The following SMAD9 variants were observed in gnomAD, a reference collection of about 807,000 sequenced individuals.
SMAD9 encodes MAD homolog 9.
A neutral mutation model predicts 46.1 loss-of-function variants in SMAD9; 36 were observed. That is an observed-to-expected ratio of 0.78 (90% confidence interval 0.60 to 1.03). SMAD9 has a LOEUF of 1.03. Among genes scored for constraint, SMAD9 ranks in the 50% least tolerant of loss-of-function variants. The probability of loss-of-function intolerance (pLI) is 0.00; values close to 1 mark genes in which losing one functional copy is unlikely to be tolerated. For synonymous variants in SMAD9, 245 were observed against 237.1 expected, an observed-to-expected ratio of 1.03 and a Z score of -0.31; for missense variants, 572 against 599.8, an observed-to-expected ratio of 0.95 and a Z score of 0.48.
chr13:36,894,361 G>A (rs1341659828), intron 1 of SMAD9, among the ~76,000 whole-genome samples: 1 of 151,988 alleles, frequency 6.6e-6, no homozygotes, highest in East Asian at 1.9e-4. Context: ...ATTCTCTCTT[G>A]TCTGCCGCCA....
chr13:36,908,478 T>C (rs1426914097), intron 1 of SMAD9, among the ~76,000 whole-genome samples: 1 of 152,166 alleles, frequency 6.6e-6, no homozygotes, highest in Non-Finnish European at 1.5e-5. Flanking sequence ...GTTCACAAAA[T>C]TCAAAATTCA....
intron 1 of SMAD9, among the ~76,000 whole-genome samples, chr13:36,894,804 T>G (rs777529072): frequency 2.0e-5 from 3 of 152,150 alleles, no homozygotes; most frequent in Non-Finnish European, 2.9e-5. Context: ...TGTGGTTCCT[T>G]TAGCCCCCAA....
intron 1 of SMAD9, among the ~76,000 whole-genome samples, chr13:36,895,404 T>C (rs1199773713): frequency 1.3e-5 from 2 of 152,204 alleles, no homozygotes; most frequent in Non-Finnish European, 2.9e-5. Context: ...GCTAGATTTG[T>C]GTGGAGGGGC....
intron 3 of SMAD9, among the ~76,000 whole-genome samples, chr13:36,871,538 AAAAT>A (rs1461180522): frequency 6.6e-6 from 1 of 152,264 alleles, no homozygotes; most frequent in Middle Eastern, 3.4e-3. Flanking sequence ...ATAAAAAATA[AAAAT>A]AAATAAACGC....
At chr13:36,913,406 G>T (rs1417089427) in intron 1 of SMAD9, among the ~76,000 whole-genome samples, 2 of 152,050 alleles carry the variant, frequency 1.3e-5, no homozygotes, top group African/African-American at 4.8e-5. Flanking sequence ...AGTAAATAAT[G>T]GTTGAATGAA....
intron 1 of SMAD9, among the ~76,000 whole-genome samples, chr13:36,895,195 C>A (rs1250785566): frequency 1.3e-5 from 2 of 152,118 alleles, no homozygotes; most frequent in African/African-American, 2.4e-5. Context: ...AATTTCTATA[C>A]CCATATGTAC....
intron 1 of SMAD9, among the ~76,000 whole-genome samples, chr13:36,883,168 A>G (rs1309937640): frequency 6.6e-6 from 1 of 152,170 alleles, no homozygotes; most frequent in African/African-American, 2.4e-5. Context: ...AGAGAACTGA[A>G]ATGCCCACAG....
chr13:36,886,738 T>C (rs557006107), intron 1 of SMAD9, among the ~76,000 whole-genome samples: 215 of 152,320 alleles, frequency 1.4e-3, no homozygotes, highest in Non-Finnish European at 2.7e-3. Flanking sequence ...AGGGACCTGC[T>C]TGGACTTCTG....
intron 1 of SMAD9, among the ~76,000 whole-genome samples, chr13:36,914,545 A>G (rs967129851): frequency 6.6e-6 from 1 of 152,028 alleles, no homozygotes. Context: ...ACAAAAAAAA[A>G]CTTACTCTTC....
upstream of SMAD9, chr13:36,920,296 G>C (rs992402249): frequency 6.7e-6 from 1 of 148,216 alleles, no homozygotes; most frequent in African/African-American, 2.5e-5. Flanking sequence ...CGGCCAGGGA[G>C]CCCTGCTTGC....
chr13:36,903,839 T>C (rs2058597799), intron 1 of SMAD9, among the ~76,000 whole-genome samples: 1 of 152,130 alleles, frequency 6.6e-6, no homozygotes, highest in African/African-American at 2.4e-5. Context: ...CATCAGCAAG[T>C]CTGAACATTA....
chr13:36,909,741 A>T (rs1382756147), intron 1 of SMAD9, among the ~76,000 whole-genome samples: 2 of 152,210 alleles, frequency 1.3e-5, no homozygotes, highest in Non-Finnish European at 2.9e-5. Context: ...GTAAAATGGA[A>T]ACAATAGTCA....
rs200264324 is a variant in SMAD9 at position 36,887,040 on chromosome 13, GTTTTT to G, written c.-186-7170_-186-7166del. Among the ~76,000 whole-genome samples the G allele has an allele frequency of 2.4e-4, 25 of 102,546 alleles. 1 individual carries two copies. In the South Asian group the frequency reaches 7.5e-3, roughly 31 times the overall value. 67.3% of individuals were successfully genotyped at this position (102,546 alleles called of 152,430 possible). A position where few individuals can be genotyped will look rare whatever the true frequency, so the allele number is the denominator to read the frequency against. ...AGTGCAAAGGGGAGCCTTTGAATGGGTTTTTTTTTTTTTTTTTTTTTTTGTAGAGA... is the reference window on the plus strand; with the variant it reads ...AGTGCAAAGGGGAGCCTTTGAATGGGTTTTTTTTTTTTTTTTTTGTAGAGA... On this transcript the variant is annotated intron_variant, in intron 1 of 6. Transcript: ENST00000379826.
At chr13:36,898,462 A>G (rs1035499937) in intron 1 of SMAD9, among the ~76,000 whole-genome samples, 1 of 152,164 alleles carries the variant, frequency 6.6e-6, no homozygotes, top group African/African-American at 2.4e-5. Flanking sequence ...ATTAGAAAAA[A>G]AAAGAAAACA....
intron 5 of SMAD9, among the ~76,000 whole-genome samples, chr13:36,859,491 G>T (rs557369488): frequency 6.6e-6 from 1 of 152,308 alleles, no homozygotes; most frequent in East Asian, 1.9e-4. Context: ...CAATAAAGAA[G>T]CTGGCCAAAA....
chr13:36,867,443 G>A, intron 3 of SMAD9, 60 bp from the exon 4 acceptor site: 1 of 1,144,092 alleles, frequency 8.7e-7, no homozygotes, highest in Non-Finnish European at 1.3e-6. Context: ...AAAGACAGTT[G>A]GATCCGACAT....
chr13:36,879,764 T>C lies in SMAD9; in HGVS notation c.-75A>G. 6.4e-7 allele frequency: 1 copy of C among 1,562,402 alleles called. No homozygotes were observed. Among genetic ancestry groups the C allele is most frequent in the South Asian group, 1.1e-5 (1 of 89,670 alleles). On this transcript the variant is annotated 5_prime_UTR_variant, in exon 2 of 7. Coordinates refer to ENST00000379826, the MANE Select transcript of SMAD9 (RefSeq NM_001127217.3). Reference sequence around the variant, plus strand: ...CGGCAAAGTGGGCGGCGAGTAGCTCTCCAGGGGTGGCATAGGGACCAACCC... The same window carrying C: ...CGGCAAAGTGGGCGGCGAGTAGCTCCCCAGGGGTGGCATAGGGACCAACCC...
intron 6 of SMAD9, chr13:36,850,120 T>C (rs910872209): frequency 6.6e-6 from 1 of 152,194 alleles, no homozygotes; most frequent in African/African-American, 2.4e-5. Flanking sequence ...CTTGTCAAGA[T>C]CAAAAAAGGC....
chr13:36,894,887 T>A (rs1238581580), intron 1 of SMAD9, among the ~76,000 whole-genome samples: 1 of 152,138 alleles, frequency 6.6e-6, no homozygotes, highest in Non-Finnish European at 1.5e-5. Flanking sequence ...TAGAAACATC[T>A]CACACCCCAA....
Sources: gnomAD v4.1 joint callset for allele counts (sites outside exome capture counted in the v4.1 genomes callset) on GRCh38, gnomAD v4.1.1 for gene constraint, MANE v1.5 for transcripts, NCBI Gene and HGNC (gene_info 2026-07-23, HGNC 2026-07-21) for gene names.